KCND3: variants seen among roughly 807,000 people sequenced by gnomAD.
The protein encoded by KCND3 is A-type voltage-gated potassium channel KCND3.
Under a neutral mutation model 51.1 loss-of-function variants are expected in KCND3, and 9 were observed. The observed-to-expected ratio is 0.18, with a 90% confidence interval of 0.11 to 0.31. The LOEUF is 0.31. Among genes scored for constraint, KCND3 ranks in the 10% least tolerant of loss-of-function variants. KCND3 has a pLI of 1.00. For missense variants in KCND3, 526 were observed against 903.8 expected (o/e 0.58, Z 5.36); for synonymous variants, 349 against 368.0 (o/e 0.95, Z 0.59).
At chr1:111,926,761 T>C (rs955642404) in intron 2 of KCND3, among the ~76,000 whole-genome samples, 3 of 152,274 alleles carry the variant, frequency 2.0e-5, no homozygotes, top group Admixed American at 2.0e-4. Context: ...TCTGAATTCT[T>C]GTTCATCGCT....
At chr1:111,941,373 C>T (rs1672511243) in intron 2 of KCND3, among the ~76,000 whole-genome samples, 1 of 152,142 alleles carries the variant, frequency 6.6e-6, no homozygotes, top group Non-Finnish European at 1.5e-5. Flanking sequence ...AGCAGCAGGG[C>T]TGAACAGGTC....
chr1:111,826,011 C>T (rs970019378), intron 2 of KCND3, among the ~76,000 whole-genome samples: 1 of 152,138 alleles, frequency 6.6e-6, no homozygotes, highest in Non-Finnish European at 1.5e-5. Context: ...AAAGTCTTTG[C>T]TAATTTGCAA....
intron 2 of KCND3, among the ~76,000 whole-genome samples, chr1:111,788,932 G>A (rs1664720094): frequency 6.6e-6 from 1 of 152,152 alleles, no homozygotes; most frequent in South Asian, 2.1e-4. Context: ...TAGGCATTCT[G>A]AAAACCACAG....
chr1:111,851,978 G>C lies in KCND3; in HGVS notation c.1107-64872C>G, dbSNP rs75353831. 4.0e-3 allele frequency among the ~76,000 whole-genome samples: 616 copies of C among 152,298 alleles called. 7 individuals carry two copies. The highest frequency in any genetic ancestry group is 0.014 in the African/African-American group (575 of 41,562). ...CTTGTCTCTGCCTCTAAGCTCCCAG[G>C]AGTACCTGACCCATCAATCTCTACA... On this transcript the variant is annotated intron_variant, in intron 2 of 7. Transcript: ENST00000302127.
intron 2 of KCND3, among the ~76,000 whole-genome samples, chr1:111,967,075 G>A (rs1192327280): frequency 6.7e-6 from 1 of 148,916 alleles, no homozygotes; most frequent in Non-Finnish European, 1.5e-5. Context: ...AGGAGGCAGA[G>A]ATTGCAGTGA....
chr1:111,846,043 T>C (rs933604453), intron 2 of KCND3, among the ~76,000 whole-genome samples: 3 of 152,218 alleles, frequency 2.0e-5, no homozygotes, highest in African/African-American at 7.2e-5. Context: ...TCTGTTTTTC[T>C]ACTTCTCTGG....
chr1:111,898,952 T>C (rs980049658), intron 2 of KCND3, among the ~76,000 whole-genome samples: 2 of 152,180 alleles, frequency 1.3e-5, no homozygotes, highest in African/African-American at 4.8e-5. Flanking sequence ...TACTGTTCTT[T>C]TTCCCATCAT....
In KCND3 at chr1:111,780,951, G is replaced by T. The variant is rs1256138374; in HGVS notation, c.1270-160C>A. Among the ~76,000 whole-genome samples, 1 of 152,168 alleles carries T rather than the reference G, an allele frequency of 6.6e-6. No homozygotes were observed. Among genetic ancestry groups the T allele is most frequent in the African/African-American group, 2.4e-5 (1 of 41,436 alleles). On this transcript the variant is annotated intron_variant, in intron 3 of 7. Transcript: ENST00000302127. The surrounding 1 kb of genome is among the most constrained non-coding windows in gnomAD (Gnocchi z 4.2). ...GCATCTCCAGTTGTGTACCCACTTT[G>T]TATAGCTTGGTTGGGTCAGAATTCC...
At chr1:111,885,642 G>A (rs971039764) in intron 2 of KCND3, among the ~76,000 whole-genome samples, 3 of 152,070 alleles carry the variant, frequency 2.0e-5, no homozygotes, top group Non-Finnish European at 4.4e-5. Flanking sequence ...AGTGTGGTAC[G>A]GGAACGTTTC....
chr1:111,849,890 T>C (rs1284108638), intron 2 of KCND3, among the ~76,000 whole-genome samples: 1 of 152,138 alleles, frequency 6.6e-6, no homozygotes, highest in East Asian at 1.9e-4. Flanking sequence ...TCCTGTATGA[T>C]GCTCCAGCCC....
At chr1:111,800,556 A>ATT (rs1293351160) in intron 2 of KCND3, among the ~76,000 whole-genome samples, 8 of 150,260 alleles carry the variant, frequency 5.3e-5, no homozygotes, top group African/African-American at 2.0e-4. Context: ...TAAATTTAAA[A>ATT]AAAAAAAAAA....
chr1:111,816,241 C>T (rs1460422535), intron 2 of KCND3, among the ~76,000 whole-genome samples: 1 of 152,232 alleles, frequency 6.6e-6, no homozygotes, highest in Non-Finnish European at 1.5e-5. Context: ...TGGAGCCTCT[C>T]ACTCCCTAAG....
chr1:111,929,692 G>A (rs1293619115), intron 2 of KCND3, among the ~76,000 whole-genome samples: 1 of 152,188 alleles, frequency 6.6e-6, no homozygotes, highest in South Asian at 2.1e-4. Flanking sequence ...CTCCCATCCT[G>A]CTTGTGCCTT....
At chr1:111,899,465 CCTTCTGCCTCTTGCTG>C (rs1488660323) in intron 2 of KCND3, among the ~76,000 whole-genome samples, 2 of 152,220 alleles carry the variant, frequency 1.3e-5, no homozygotes, top group African/African-American at 4.8e-5. Context: ...GTGGCCCTGG[CCTTCTGCCTCTTGCTG>C]TAGGTGATGG....
chr1:111,869,664 T>C (rs1387765699), intron 2 of KCND3, among the ~76,000 whole-genome samples: 1 of 152,230 alleles, frequency 6.6e-6, no homozygotes, highest in Non-Finnish European at 1.5e-5. Context: ...CAGTTCCATG[T>C]GTATCACCTC....
In KCND3 at chr1:111,982,226, C is replaced by T. The variant is rs1674990390; in HGVS notation, c.501G>A (p.Gln167=). 6.2e-7 allele frequency: 1 copy of T among 1,614,116 alleles called. No individual in the cohort carries two copies. Among genetic ancestry groups the T allele is most frequent in the South Asian group, 1.1e-5 (1 of 91,074 alleles). ...QESMPSLSFR[Q]TMWRAFENPH... ...GGTTCTCGAAGGCCCGCCACATGGTCTGGCGGAAGCTGAGCGAGGGCATGG... is the reference window on the plus strand; with the variant it reads ...GGTTCTCGAAGGCCCGCCACATGGTTTGGCGGAAGCTGAGCGAGGGCATGG... The change falls in exon 2 of 8, where the codon CAG becomes CAA. Residue 167 remains glutamine (Q), a synonymous_variant. Transcript: ENST00000302127. The surrounding 1 kb of genome is among the most constrained non-coding windows in gnomAD (Gnocchi z 8.5).
chr1:111,908,214 G>A (rs1020063823), intron 2 of KCND3, among the ~76,000 whole-genome samples: 1 of 152,126 alleles, frequency 6.6e-6, no homozygotes, highest in Admixed American at 6.5e-5. Flanking sequence ...AAAGCAGCTG[G>A]GCACTTTTCC....
chr1:111,923,878 C>A (rs767987818), intron 2 of KCND3, among the ~76,000 whole-genome samples: 4 of 152,136 alleles, frequency 2.6e-5, no homozygotes, highest in Non-Finnish European at 4.4e-5. Flanking sequence ...GTGGGGTGGG[C>A]AGAAATGCTG....
chr1:111,803,421 T>C (rs1665412084), intron 2 of KCND3, among the ~76,000 whole-genome samples: 1 of 152,230 alleles, frequency 6.6e-6, no homozygotes, highest in African/African-American at 2.4e-5. Context: ...TGTGCTGAGA[T>C]ATGCTAGGAT....
Sources: gnomAD v4.1 joint callset for allele counts (sites outside exome capture counted in the v4.1 genomes callset) on GRCh38, gnomAD v4.1.1 for gene constraint, Gnocchi (gnomAD v3.1) non-coding constraint, MANE v1.5 for transcripts, NCBI Gene and HGNC (gene_info 2026-07-23, HGNC 2026-07-21) for gene names.